Variants in ZNF787 observed in about 807,000 individuals in gnomAD.
The protein encoded by ZNF787 is zinc finger protein 787, also known as TTF-I-interacting peptide 20.
A neutral mutation model predicts 16.9 loss-of-function variants in ZNF787; 7 were observed. That is an observed-to-expected ratio of 0.42 (90% CI 0.24 to 0.78). ZNF787 has a LOEUF of 0.78. Among genes scored for constraint, ZNF787 ranks in the 30% least tolerant of loss-of-function variants. ZNF787 has a pLI of 0.30. For missense variants in ZNF787, 551 were observed against 589.3 expected (o/e 0.94, Z 0.67); for synonymous variants, 345 against 270.9 (o/e 1.27, Z -2.69).
rs555294456 is a variant in ZNF787, at chr19:56,098,765, C to T, written c.79+4374G>A. ...GTGATACGGCCGCTGGGTGATGGAG[C>T]CTAGGTGATATGGCCACCGGGTGAT... On this transcript the variant is annotated intron_variant, in intron 2 of 2. Transcript: ENST00000610935. Among the ~76,000 whole-genome samples the T allele has an allele frequency of 2.0e-3, 238 of 118,952 alleles. 4 individuals carry two copies. The highest frequency in any genetic ancestry group is 7.3e-3 in the African/African-American group (229 of 31,326). The allele number at this position is 118,952 out of a possible 152,430, so 78.0% of individuals were successfully genotyped here. A position where few individuals can be genotyped will look rare whatever the true frequency, so the allele number is the denominator to read the frequency against.
At chr19:56,109,179 G>C (rs1187218495) in intron 1 of ZNF787, among the ~76,000 whole-genome samples, 1 of 152,132 alleles carries the variant, frequency 6.6e-6, no homozygotes, top group Non-Finnish European at 1.5e-5. Context: ...TCTGTATTAA[G>C]GGAAAAAGCC....
At chr19:56,092,403 G>A (rs1484660147) in intron 2 of ZNF787, among the ~76,000 whole-genome samples, 1 of 152,050 alleles carries the variant, frequency 6.6e-6, no homozygotes, top group East Asian at 1.9e-4. Flanking sequence ...CTCCACTCCA[G>A]ATCCCCTACG....
rs28489329 is a variant in ZNF787 at position 56,103,380 on chromosome 19, G to C, written c.-10-153C>G. ...CACCTACCCCAGGACACCGAGAACT[G>C]GCCTGGAGCTAGCCTGGCCGCTCCC... is the stretch of plus-strand genomic sequence containing the variant. On this transcript the variant is annotated intron_variant, in intron 1 of 2. Transcript: ENST00000610935. The C allele has an allele frequency of 2.9e-3, 1,819 of 617,958 alleles. 27 individuals carry two copies. The African/African-American group carries it at 0.03, about 10-fold the overall frequency. The allele number at this position is 617,958 out of a possible 1,614,324, so 38.3% of individuals were successfully genotyped here.
At chr19:56,099,872 G>A (rs59924464) in intron 2 of ZNF787, among the ~76,000 whole-genome samples, 17,286 of 152,000 alleles carry the variant, frequency 0.11, 1,304 homozygotes, top group East Asian at 0.32. Context: ...TGGGAGGCTG[G>A]ACAGGCGGCG....
chr19:56,087,590 AAGAG>A lies in ZNF787; in HGVS notation c.*429_*432del, dbSNP rs752793241. ...TGGGCTGATTAAAAGAAAATTCTAAAAGAGAAAAGGGCCCCTGGTTCTCTTCCCT... is the reference window on the plus strand; with the variant it reads ...TGGGCTGATTAAAAGAAAATTCTAAAAAAAGGGCCCCTGGTTCTCTTCCCT... On this transcript the variant is annotated 3_prime_UTR_variant, in exon 3 of 3. Transcript: ENST00000610935. 1.3e-5 allele frequency: 2 copies of A among 154,622 alleles called. No homozygotes were observed. Among genetic ancestry groups the A allele is most frequent in the East Asian group, 3.8e-4 (2 of 5,312 alleles). The allele number at this position is 154,622 out of a possible 1,614,324, so 9.6% of individuals were successfully genotyped here.
rs552424478 is a variant in ZNF787 at position 56,097,559 on chromosome 19, G to C, written c.79+5580C>G. ...CGGCGGCCAGCATGTAAATGAAACG[G>C]AATGGAGGCAGGAGGAGGAAACACC... is the stretch of plus-strand genomic sequence containing the variant. On this transcript the variant is annotated intron_variant, in intron 2 of 2. Transcript: ENST00000610935. 2.6e-5 allele frequency among the ~76,000 whole-genome samples: 4 copies of C among 152,374 alleles called. No individual in the cohort carries two copies. The East Asian group carries it at 5.8e-4, about 22-fold the overall frequency.
chr19:56,087,858 A>C lies in ZNF787; in HGVS notation c.*165T>G, dbSNP rs534751031. On this transcript the variant is annotated 3_prime_UTR_variant, in exon 3 of 3. Coordinates refer to ENST00000610935, the MANE Select transcript of ZNF787 (RefSeq NM_001002836.4). ...AAGTGAACGGGCCCTAATACGCCCC[A>C]GTGCCCCCCCACGGACGGCGCAGGG... 6.4e-4 allele frequency: 722 copies of C among 1,135,436 alleles called. 6 individuals carry two copies. The African/African-American group carries it at 0.011, about 17-fold the overall frequency. The allele number at this position is 1,135,436 out of a possible 1,614,324, so 70.3% of individuals were successfully genotyped here.
chr19:56,099,026 C>T (rs1194641809), intron 2 of ZNF787, among the ~76,000 whole-genome samples: 3 of 152,196 alleles, frequency 2.0e-5, no homozygotes, highest in Non-Finnish European at 2.9e-5. Context: ...CAGAGACAAG[C>T]GGCTCTCAGG....
rs998327804 is a variant in ZNF787, at chr19:56,088,418, C to A, written c.754G>T (p.Gly252Trp). ...GIIVVGAPGE[G>W]AAAAAAMAGA... is the part of the protein sequence containing the mutation. Reference sequence around the variant, plus strand: ...GCCATGGCTGCCGCGGCCGCGGCCCCCTCGCCCGGCGCGCCCACCACGATG... The same window carrying A: ...GCCATGGCTGCCGCGGCCGCGGCCCACTCGCCCGGCGCGCCCACCACGATG... The change falls in exon 3 of 3, where the codon GGG becomes TGG. Residue 252 changes from glycine to tryptophan, a missense_variant. By Grantham distance (184) the Gly-to-Trp change is radical. Around this residue, in one of 4 missense-constraint regions of ZNF787, gnomAD observed 392 missense variants for 312.7 expected, o/e 1.25. Coordinates refer to ENST00000610935, the MANE Select transcript of ZNF787 (RefSeq NM_001002836.4). The surrounding 1 kb of genome is among the most constrained non-coding windows in gnomAD (Gnocchi z 8.6). 1 of 1,151,540 alleles carries A rather than the reference C, an allele frequency of 8.7e-7. No individual in the cohort carries two copies. The highest frequency in any genetic ancestry group is 1.1e-6 in the Non-Finnish European group (1 of 937,308). 71.3% of individuals were successfully genotyped at this position (1,151,540 alleles called of 1,614,324 possible).
chr19:56,092,216 G>A (rs181635899), intron 2 of ZNF787, among the ~76,000 whole-genome samples: 78 of 152,354 alleles, frequency 5.1e-4, no homozygotes, highest in African/African-American at 1.8e-3. Context: ...AATGAGGGCC[G>A]GGGCCACTCT....
At chr19:56,110,779 G>A (rs973876043) in intron 1 of ZNF787, among the ~76,000 whole-genome samples, 10 of 152,172 alleles carry the variant, frequency 6.6e-5, no homozygotes, top group African/African-American at 1.9e-4. Context: ...TGGGGGAGGC[G>A]GGAGAGTCCA....
intron 2 of ZNF787, among the ~76,000 whole-genome samples, chr19:56,097,484 G>A (rs935183086): frequency 2.4e-4 from 37 of 152,214 alleles, no homozygotes; most frequent in African/African-American, 8.9e-4. Flanking sequence ...CACGCCTCGC[G>A]TCTCCACTGC....
In ZNF787 at chr19:56,088,665, C is replaced by T. The variant is rs548610207; in HGVS notation, c.507G>A (p.Arg169=). 1.3e-6 allele frequency: 2 copies of T among 1,572,236 alleles called. No individual in the cohort carries two copies. Among genetic ancestry groups the T allele is most frequent in the African/African-American group, 2.7e-5 (2 of 73,396 alleles). Residue 169 remains arginine (R), a synonymous_variant, in exon 3 of 3, where the codon CGG becomes CGA. Transcript: ENST00000610935. This position sits in a 1 kb window ranked among gnomAD's most constrained non-coding sequence, Gnocchi z 8.6. ...AGGGCTTGAGGCCGCTGTGCGAGCG[C>T]CGGTGCTTGGCCAGGCTCTTGCTCT... ...FTQSKSLAKH[R]RSHSGLKPFV... is the part of the protein sequence containing the mutation.
chr19:56,110,258 G>A (rs1041583301), intron 1 of ZNF787, among the ~76,000 whole-genome samples: 2 of 151,842 alleles, frequency 1.3e-5, no homozygotes, highest in Admixed American at 6.6e-5. Context: ...TACTGGGGAC[G>A]CTGAGGCAGG....
intron 1 of ZNF787, among the ~76,000 whole-genome samples, chr19:56,120,685 C>CGGCCA (rs1408529692): frequency 3.9e-5 from 6 of 151,974 alleles, no homozygotes; most frequent in South Asian, 2.1e-4. Flanking sequence ...CCGCGGTATC[C>CGGCCA]GGCCAGGCCA....
intron 2 of ZNF787, among the ~76,000 whole-genome samples, chr19:56,091,192 C>CGGGCAGGAAAGAGATTTGTT (rs1426875525): frequency 1.9e-4 from 29 of 152,202 alleles, no homozygotes; most frequent in African/African-American, 6.8e-4. Context: ...CAGAAAGGGA[C>CGGGCAGGAAAGAGATTTGTT]GGGCAGGAAA....
At chr19:56,098,925 C>CACA (rs1394499221) in intron 2 of ZNF787, among the ~76,000 whole-genome samples, 1 of 152,090 alleles carries the variant, frequency 6.6e-6, no homozygotes, top group Non-Finnish European at 1.5e-5. Context: ...AGAGAAGTGG[C>CACA]ACAGCAGGAC....
intron 1 of ZNF787, among the ~76,000 whole-genome samples, chr19:56,110,261 G>A (rs2029939433): frequency 1.3e-5 from 2 of 151,842 alleles, no homozygotes; most frequent in Admixed American, 1.3e-4. Context: ...TGGGGACGCT[G>A]AGGCAGGAGA....
At chr19:56,105,938 CA>C (rs1311741718) in intron 1 of ZNF787, among the ~76,000 whole-genome samples, 71 of 144,370 alleles carry the variant, frequency 4.9e-4, no homozygotes, top group South Asian at 6.6e-4. Context: ...CCACGGCAGT[CA>C]CCGCGCATTC....
Sources: gnomAD v4.1 joint callset for allele counts (sites outside exome capture counted in the v4.1 genomes callset) on GRCh38, gnomAD v4.1.1 for gene constraint, gnomAD v4.1.1 regional missense constraint, Gnocchi (gnomAD v3.1) non-coding constraint, MANE v1.5 for transcripts, NCBI Gene and HGNC (gene_info 2026-07-23, HGNC 2026-07-21) for gene names.